SCN11A: variants seen among roughly 807,000 people sequenced by gnomAD.
SCN11A encodes sodium voltage-gated channel alpha subunit 11.
Under a neutral mutation model 162.2 loss-of-function variants are expected in SCN11A, and 122 were observed. The observed-to-expected ratio is 0.75, with a 90% CI of 0.65 to 0.87. The LOEUF (loss-of-function observed/expected upper bound fraction) is 0.87, where lower values mean the gene tolerates loss of function less well. Ranked by LOEUF, SCN11A falls within the 40% of genes least tolerant of loss-of-function variation. The probability of loss-of-function intolerance (pLI) is 0.00; values close to 1 mark genes in which losing one functional copy is unlikely to be tolerated. For missense variants in SCN11A, 2,015 were observed against 2,181.6 expected (o/e 0.92, Z 1.52); for synonymous variants, 758 against 751.5 (o/e 1.01, Z -0.14).
At chr3:38,999,372 T>G (rs2030741689) in intron 2 of SCN11A, among the ~76,000 whole-genome samples, 1 of 152,222 alleles carries the variant, frequency 6.6e-6, no homozygotes, top group Non-Finnish European at 1.5e-5. Flanking sequence ...CATCCATCAT[T>G]TCTCATTTGA....
intron 7 of SCN11A, among the ~76,000 whole-genome samples, chr3:38,940,935 A>T (rs1442896311): frequency 6.6e-6 from 1 of 152,156 alleles, no homozygotes; most frequent in African/African-American, 2.4e-5. Flanking sequence ...TAAACTGGAA[A>T]ATATATATAT....
At chr3:39,042,848 T>G (rs2032081884) in intron 1 of SCN11A, among the ~76,000 whole-genome samples, 1 of 147,970 alleles carries the variant, frequency 6.8e-6, no homozygotes, top group Non-Finnish European at 1.5e-5. Context: ...TCCCAACTAC[T>G]CGGGAGGCTG....
At chr3:39,013,238 AGT>A (rs2031197739) in intron 2 of SCN11A, among the ~76,000 whole-genome samples, 1 of 152,236 alleles carries the variant, frequency 6.6e-6, no homozygotes, top group African/African-American at 2.4e-5. Context: ...CATCATTAAC[AGT>A]GTCTTCCAAT....
intron 16 of SCN11A, 139 bp from the exon 17 acceptor site, chr3:38,900,212 A>G: frequency 1.5e-6 from 1 of 671,118 alleles, no homozygotes; most frequent in Non-Finnish European, 2.5e-6. Flanking sequence ...AGTCCATGCA[A>G]TAGAAATATT....
chr3:38,912,199 C>T (rs1037157221), intron 11 of SCN11A, among the ~76,000 whole-genome samples: 2 of 152,166 alleles, frequency 1.3e-5, no homozygotes, highest in African/African-American at 4.8e-5. Context: ...TAATCTCCCT[C>T]ATTTCTTGGT....
chr3:39,000,579 G>A (rs1319538097), intron 2 of SCN11A, among the ~76,000 whole-genome samples: 2 of 152,034 alleles, frequency 1.3e-5, no homozygotes, highest in African/African-American at 2.4e-5. Context: ...ACTCAGTTCT[G>A]TTACATTTAC....
chr3:38,978,111 T>C (rs1199831251), intron 2 of SCN11A, among the ~76,000 whole-genome samples: 1 of 152,190 alleles, frequency 6.6e-6, no homozygotes, highest in Non-Finnish European at 1.5e-5. Context: ...AGAAAACTGA[T>C]GCTCAATGCC....
Position 38,928,870 on chromosome 3 carries a change from A to T in SCN11A, c.489-1939T>A, listed in dbSNP as rs541141615. Among the ~76,000 whole-genome samples the T allele has an allele frequency of 4.8e-4, 73 of 152,324 alleles. 3 individuals carry two copies. In the South Asian group the frequency reaches 0.015, roughly 31 times the overall value. On this transcript the variant is annotated intron_variant, in intron 7 of 29. Coordinates refer to ENST00000302328, the MANE Select transcript of SCN11A (RefSeq NM_001349253.2). ...AAATGGTGCAATCCCTATGGAAAACAGTATGAAGACTCCTCAAAAATTAAA... is the reference window on the plus strand; with the variant it reads ...AAATGGTGCAATCCCTATGGAAAACTGTATGAAGACTCCTCAAAAATTAAA...
intron 2 of SCN11A, among the ~76,000 whole-genome samples, chr3:39,024,175 C>G (rs556492522): frequency 6.6e-6 from 1 of 152,312 alleles, no homozygotes; most frequent in Admixed American, 6.5e-5. Flanking sequence ...AATGAAGACC[C>G]AGGGACTCAG....
intron 11 of SCN11A, among the ~76,000 whole-genome samples, chr3:38,916,710 G>A (rs945956009): frequency 2.6e-5 from 4 of 152,040 alleles, no homozygotes; most frequent in African/African-American, 9.7e-5. Flanking sequence ...AAGGCCTTAT[G>A]CTCACCCTTG....
intron 2 of SCN11A, among the ~76,000 whole-genome samples, chr3:39,010,479 C>T (rs919152819): frequency 3.2e-4 from 48 of 151,470 alleles, no homozygotes; most frequent in African/African-American, 1.0e-3. Flanking sequence ...CATGGGTTCA[C>T]GCCATTCTCC....
intron 23 of SCN11A, 34 bp downstream of exon 23, chr3:38,879,916 C>T: frequency 6.3e-7 from 1 of 1,584,440 alleles, no homozygotes; most frequent in Middle Eastern, 1.7e-4. Context: ...ACCACTACCC[C>T]AGCCTGTGTG....
chr3:38,940,871 A>G (rs1236438482), intron 7 of SCN11A, among the ~76,000 whole-genome samples: 4 of 152,212 alleles, frequency 2.6e-5, no homozygotes, highest in Non-Finnish European at 5.9e-5. Context: ...GCCTGCTTCA[A>G]TTGTGATGAA....
In SCN11A at chr3:38,894,719, C is replaced by A. The variant is rs756702915; in HGVS notation, c.2649G>T (p.Leu883=). ...CAAQSKDIIP[L]VMEMKRGSET... is the part of the protein sequence containing the mutation. ...CTGAGCCCCTTTTCATCTCCATGAC[C>A]AGGGGAATGATGTCTTTGCTTTGTG... Residue 883 remains leucine (L), a synonymous_variant, in exon 19 of 30, where the codon CTG becomes CTT. Transcript: ENST00000302328. The A allele has an allele frequency of 6.2e-7, 1 of 1,614,144 alleles. No homozygotes were observed. Among genetic ancestry groups the A allele is most frequent in the Non-Finnish European group, 8.5e-7 (1 of 1,180,002 alleles).
At chr3:38,914,037 T>C (rs1466835713) in intron 11 of SCN11A, among the ~76,000 whole-genome samples, 1 of 152,192 alleles carries the variant, frequency 6.6e-6, no homozygotes, top group African/African-American at 2.4e-5. Context: ...AAGAATGTCA[T>C]TGGTAATTTC....
At chr3:38,956,196 G>A (rs902483606) in intron 3 of SCN11A, among the ~76,000 whole-genome samples, 1 of 152,014 alleles carries the variant, frequency 6.6e-6, no homozygotes, top group Non-Finnish European at 1.5e-5. Flanking sequence ...CATGAGCCAA[G>A]ACTGAGCCAT....
chr3:39,023,442 T>G (rs1321585428), intron 2 of SCN11A, among the ~76,000 whole-genome samples: 2 of 152,184 alleles, frequency 1.3e-5, no homozygotes, highest in Non-Finnish European at 2.9e-5. Flanking sequence ...ACTTTTATAT[T>G]TCTATTCATT....
At chr3:38,905,068 A>G (rs1404398187) in intron 15 of SCN11A, 124 bp downstream of exon 15, 2 of 1,226,310 alleles carry the variant, frequency 1.6e-6, no homozygotes, top group East Asian at 4.7e-5. Flanking sequence ...TCTTTGCAGG[A>G]TGGTACAGTG....
At chr3:38,986,636 G>GTGT (rs562222005) in intron 2 of SCN11A, among the ~76,000 whole-genome samples, 29 of 151,886 alleles carry the variant, frequency 1.9e-4, no homozygotes, top group Non-Finnish European at 3.4e-4. Flanking sequence ...CTGTGTGTGT[G>GTGT]TGTTGTTGTT....
Sources: gnomAD v4.1 joint callset for allele counts (sites outside exome capture counted in the v4.1 genomes callset) on GRCh38, gnomAD v4.1.1 for gene constraint, MANE v1.5 for transcripts, NCBI Gene and HGNC (gene_info 2026-07-23, HGNC 2026-07-21) for gene names.